C1orf87: variants seen among roughly 807,000 people sequenced by gnomAD.
C1orf87 encodes the protein uncharacterized protein C1orf87.
Under a neutral mutation model 60.5 loss-of-function variants are expected in C1orf87, and 58 were observed. The ratio of observed to expected loss-of-function variants is 0.96; its 90% CI spans 0.78 to 1.19. C1orf87 has a LOEUF of 1.19. Among genes scored for constraint, C1orf87 ranks in the 50% most tolerant of loss-of-function variants. The probability of loss-of-function intolerance (pLI) is 0.00; values close to 1 mark genes in which losing one functional copy is unlikely to be tolerated. For missense variants in C1orf87, 673 were observed against 638.6 expected (o/e 1.05, Z -0.58); for synonymous variants, 236 against 227.4 (o/e 1.04, Z -0.34).
chr1:60,002,043 G>A (rs530057598), intron 9 of C1orf87, among the ~76,000 whole-genome samples: 7 of 152,148 alleles, frequency 4.6e-5, no homozygotes, highest in East Asian at 1.9e-4. Context: ...GCAAGTCTGC[G>A]GATGACTGTA....
At chr1:59,993,033 C>A (rs1040528245) in intron 11 of C1orf87, among the ~76,000 whole-genome samples, 1 of 152,094 alleles carries the variant, frequency 6.6e-6, no homozygotes, top group Non-Finnish European at 1.5e-5. Flanking sequence ...TTCTCCACAC[C>A]CTGCCTCTGG....
chr1:60,061,443 C>T (rs941965833), intron 2 of C1orf87, among the ~76,000 whole-genome samples: 1 of 152,110 alleles, frequency 6.6e-6, no homozygotes, highest in Non-Finnish European at 1.5e-5. Context: ...TCTACACCAA[C>T]ATTTTAAATG....
intron 7 of C1orf87, among the ~76,000 whole-genome samples, chr1:60,031,594 AT>A (rs752788008): frequency 1.3e-5 from 2 of 152,178 alleles, no homozygotes; most frequent in Non-Finnish European, 2.9e-5. Context: ...GAGGAAGCAT[AT>A]TTAGTGAGGG....
At chr1:59,997,910 T>A (rs1644974699) in intron 10 of C1orf87, 94 bp from the exon 11 acceptor site, 1 of 1,217,874 alleles carries the variant, frequency 8.2e-7, no homozygotes, top group Middle Eastern at 2.8e-4. Context: ...TAGCAAGATT[T>A]ATAGCAAGGT....
At chr1:60,010,352 AT>A in intron 9 of C1orf87, 39 bp downstream of exon 9, 1 of 1,555,446 alleles carries the variant, frequency 6.4e-7, no homozygotes, top group Non-Finnish European at 8.9e-7. Context: ...GCTGTGAAAA[AT>A]GGAAGGTCTC....
At chr1:59,995,842 T>C (rs1416711523) in intron 11 of C1orf87, among the ~76,000 whole-genome samples, 2 of 152,178 alleles carry the variant, frequency 1.3e-5, no homozygotes, top group East Asian at 1.9e-4. Flanking sequence ...TCATTTGTAA[T>C]ACTTAATGCT....
intron 10 of C1orf87, among the ~76,000 whole-genome samples, chr1:59,998,335 C>T (rs1644977920): frequency 6.6e-6 from 1 of 152,112 alleles, no homozygotes; most frequent in East Asian, 1.9e-4. Flanking sequence ...GGCTGGGGCC[C>T]AGAAAGTACA....
chr1:60,061,776 C>CAAAAAAA lies in C1orf87; in HGVS notation c.108-6345_108-6339dup, dbSNP rs57844722. Among the ~76,000 whole-genome samples the CAAAAAAA allele has an allele frequency of 7.5e-4, 40 of 53,164 alleles. 5 individuals carry two copies. Among genetic ancestry groups the CAAAAAAA allele is most frequent in the Non-Finnish European group, 6.1e-4 (18 of 29,282 alleles). The allele number at this position is 53,164 out of a possible 152,430, so 34.9% of individuals were successfully genotyped here. ...CAACATGGCCAAACCCCATCTCTAC[C>CAAAAAAA]AAAAAAAAAAAAAAAAAAAAAAAAA... On this transcript the variant is annotated intron_variant, in intron 2 of 11. Transcript: ENST00000371201.
At chr1:60,001,042 C>T in intron 10 of C1orf87, 35 bp downstream of exon 10, 1 of 1,558,370 alleles carries the variant, frequency 6.4e-7, no homozygotes, top group Non-Finnish European at 8.8e-7. Context: ...TCCATGAAAA[C>T]CTTCCCCCAA....
chr1:60,066,178 G>A (rs915255433), intron 2 of C1orf87, among the ~76,000 whole-genome samples: 1 of 152,092 alleles, frequency 6.6e-6, no homozygotes, highest in Admixed American at 6.6e-5. Context: ...CAGTGGTTGT[G>A]CAATTTCTTA....
At chr1:60,035,548 C>A (rs1412149389) in intron 6 of C1orf87, among the ~76,000 whole-genome samples, 2 of 152,216 alleles carry the variant, frequency 1.3e-5, no homozygotes, top group Non-Finnish European at 2.9e-5. Flanking sequence ...CTGATCCATA[C>A]CTTAATTAAC....
intron 11 of C1orf87, 63 bp downstream of exon 11, chr1:59,997,546 G>T: frequency 2.0e-6 from 3 of 1,488,530 alleles, no homozygotes; most frequent in Non-Finnish European, 1.9e-6. Flanking sequence ...AGAAAATGAG[G>T]TGCCTACTTT....
chr1:60,004,162 G>C (rs746854775), intron 9 of C1orf87, among the ~76,000 whole-genome samples: 1 of 152,110 alleles, frequency 6.6e-6, no homozygotes, highest in South Asian at 2.1e-4. Context: ...GTGGGGAAAG[G>C]GGAGGAGGAT....
chr1:60,070,583 C>T (rs1645577794), intron 2 of C1orf87, among the ~76,000 whole-genome samples: 1 of 152,092 alleles, frequency 6.6e-6, no homozygotes, highest in Non-Finnish European at 1.5e-5. Context: ...AATATTTTAG[C>T]AATGCACATC....
chr1:60,008,813 C>A (rs1574298110), intron 9 of C1orf87: 1 of 400,172 alleles, frequency 2.5e-6, no homozygotes, highest in East Asian at 7.5e-5. Flanking sequence ...TTCTTAGAGC[C>A]TTAAATTATG....
At chr1:60,042,016 A>G (rs1258455328) in intron 3 of C1orf87, among the ~76,000 whole-genome samples, 1 of 152,120 alleles carries the variant, frequency 6.6e-6, no homozygotes, top group Non-Finnish European at 1.5e-5. Context: ...AACCCCAGAG[A>G]AAGGCTGTGG....
rs148093569 is a variant in C1orf87 at position 60,013,238 on chromosome 1, T to C, written c.1128-2782A>G. ...TTTCTTTTTCCATTTTTTCTAGTTT[T>C]CTTTTTCACAATACCAAGGCCTCTT... On this transcript the variant is annotated intron_variant, in intron 8 of 11. Transcript: ENST00000371201. 1.3e-4 allele frequency among the ~76,000 whole-genome samples: 20 copies of C among 152,176 alleles called. No homozygotes were observed. The East Asian group carries it at 3.7e-3, about 28-fold the overall frequency.
chr1:60,060,538 A>G (rs1309659263), intron 2 of C1orf87, among the ~76,000 whole-genome samples: 2 of 152,152 alleles, frequency 1.3e-5, no homozygotes, highest in Admixed American at 1.3e-4. Flanking sequence ...TTATTGACAG[A>G]CAAAACTAAA....
At position 60,058,219 on chromosome 1, in the gene C1orf87, T is replaced by C. The variant is rs143941037; in HGVS notation, c.108-2781A>G. On this transcript the variant is annotated intron_variant, in intron 2 of 11. Coordinates refer to ENST00000371201, the MANE Select transcript of C1orf87 (RefSeq NM_152377.3). ...GTGATTACCTTTGAGGGGAGATGTA[T>C]AGCCCAGAAGAAAGCATAACGGGGT... Among the ~76,000 whole-genome samples, 492 of 152,340 alleles carry C rather than the reference T, an allele frequency of 3.2e-3. 3 individuals carry two copies. Among genetic ancestry groups the C allele is most frequent in the African/African-American group, 0.011 (456 of 41,586 alleles).
Sources: gnomAD v4.1 joint callset for allele counts (sites outside exome capture counted in the v4.1 genomes callset) on GRCh38, gnomAD v4.1.1 for gene constraint, MANE v1.5 for transcripts, NCBI Gene and HGNC (gene_info 2026-07-23, HGNC 2026-07-21) for gene names.